EIF3C: variants seen among roughly 807,000 people sequenced by gnomAD.
EIF3C encodes the protein eukaryotic translation initiation factor 3 subunit C, also known as cell migration-inducing protein 17.
In EIF3C, 2 loss-of-function variants were observed where a neutral mutation model predicts 11.1. The ratio of observed to expected loss-of-function variants is 0.18; its 90% CI spans 0.07 to 0.57. The LOEUF is 0.57. EIF3C is among the 20% of genes least tolerant of loss of function. EIF3C has a pLI of 0.92. For missense variants in EIF3C, 16 were observed against 114.6 expected, an observed-to-expected ratio of 0.14 and a Z score of 3.93; for synonymous variants, 2 against 41.5, an observed-to-expected ratio of 0.05 and a Z score of 3.66.
chr16:28,698,168 G>A (rs2048252823), intron 1 of EIF3C, among the ~76,000 whole-genome samples: 2 of 108,826 alleles, frequency 1.8e-5, no homozygotes, highest in Non-Finnish European at 3.9e-5. Flanking sequence ...CGGCTGGCCG[G>A]GCAGAGGGGC....
intron 1 of EIF3C, among the ~76,000 whole-genome samples, chr16:28,698,260 C>A (rs1227269015): frequency 7.8e-4 from 94 of 120,288 alleles, no homozygotes; most frequent in African/African-American, 3.0e-3. Flanking sequence ...GGGGGGCTGA[C>A]CCCCCCATCT....
At position 28,718,634 on chromosome 16, in the gene EIF3C, T is replaced by TC. The variant is rs1473809480; in HGVS notation, c.776+3200_776+3201insC. 5.1e-3 allele frequency among the ~76,000 whole-genome samples: 577 copies of TC among 113,930 alleles called. 1 individual carries two copies. Among genetic ancestry groups the TC allele is most frequent in the Admixed American group, 0.011 (130 of 11,784 alleles). 74.7% of individuals were successfully genotyped at this position (113,930 alleles called of 152,430 possible). The stretch of plus-strand genomic sequence containing the variant: ...TTAAAGTTTTTTTTTTTTTTTTTTT[T>TC]TTTTGAGACAGAGTCTTGCACTGTC... On this transcript the variant is annotated intron_variant, in intron 8 of 20. Transcript: ENST00000331666.
intron 2 of EIF3C, among the ~76,000 whole-genome samples, chr16:28,712,954 C>A (rs1386316432): frequency 6.7e-6 from 1 of 149,166 alleles, no homozygotes; most frequent in Non-Finnish European, 1.5e-5. Context: ...GCCGAGATTG[C>A]GCCATTGCAC....
At chr16:28,729,028 T>C (rs1317201693) in intron 15 of EIF3C, among the ~76,000 whole-genome samples, 1 of 29,826 alleles carries the variant, frequency 3.4e-5, no homozygotes, top group Non-Finnish European at 7.2e-5. Context: ...TATTGAGTTG[T>C]AGGAGTGCCT....
chr16:28,725,764 T>TTG (rs2048377148), intron 13 of EIF3C, among the ~76,000 whole-genome samples: 1 of 9,048 alleles, frequency 1.1e-4, no homozygotes, highest in Non-Finnish European at 2.1e-4. Context: ...AGACTCCATC[T>TTG]CAAAAAAAAA....
At chr16:28,697,861 G>C in intron 1 of EIF3C, among the ~76,000 whole-genome samples, 1 of 93,206 alleles carries the variant, frequency 1.1e-5, no homozygotes, top group East Asian at 4.0e-4. Flanking sequence ...CGGCTGGCCG[G>C]GCGGGGGGCT....
intron 1 of EIF3C, among the ~76,000 whole-genome samples, chr16:28,698,437 C>A (rs1596703749): frequency 1.3e-5 from 1 of 79,546 alleles, no homozygotes; most frequent in Admixed American, 1.0e-4. Context: ...GGGGGCTGAC[C>A]CCCCCACCTC....
At chr16:28,733,086 TC>T (rs1484700428) in intron 16 of EIF3C, among the ~76,000 whole-genome samples, 5 of 31,316 alleles carry the variant, frequency 1.6e-4, no homozygotes, top group Non-Finnish European at 1.3e-4. Flanking sequence ...TTTCTTTCTT[TC>T]TTTTTTTTTT....
intron 15 of EIF3C, among the ~76,000 whole-genome samples, chr16:28,729,531 G>T: frequency 6.5e-5 from 2 of 30,616 alleles, no homozygotes. Flanking sequence ...TTTGATTTTT[G>T]CATCTGCTGA....
intron 15 of EIF3C, among the ~76,000 whole-genome samples, chr16:28,728,453 GTGTGTGTGTATCTTTTAGGGGT>G (rs771110518): frequency 3.9e-4 from 24 of 61,130 alleles, no homozygotes; most frequent in Admixed American, 2.3e-3. Context: ...CTTTTAGGGG[GTGTGTGTGTATCTTTTAGGGGT>G]TGTGTGTGTA....
Position 28,701,507 on chromosome 16 carries a change from G to C in EIF3C, c.-30-10150G>C. ...TGGGATGCCTCTCCTCTTCATCATC[G>C]CTCAGTGTGGCCCCACACGCTGTAG... On this transcript the variant is annotated intron_variant, in intron 1 of 20. Transcript: ENST00000566501. 1.3e-5 allele frequency: 2 copies of C among 153,486 alleles called. 1 individual carries two copies. The highest frequency in any genetic ancestry group is 2.2e-5 in the Non-Finnish European group (2 of 91,240). The allele number at this position is 153,486 out of a possible 1,614,324, so 9.5% of individuals were successfully genotyped here. A position where few individuals can be genotyped will look rare whatever the true frequency, so the allele number is the denominator to read the frequency against.
intron 2 of EIF3C, among the ~76,000 whole-genome samples, chr16:28,712,798 G>C (rs899536899): frequency 6.6e-6 from 1 of 150,486 alleles, no homozygotes; most frequent in African/African-American, 2.4e-5. Context: ...AAGAGTTTGA[G>C]ACCAGCATGG....
intron 1 of EIF3C, among the ~76,000 whole-genome samples, chr16:28,699,845 C>CT (rs1221976706): frequency 3.2e-5 from 3 of 93,294 alleles, no homozygotes; most frequent in South Asian, 6.9e-4. Flanking sequence ...CATCCAGCCT[C>CT]TTTTTTTTTT....
intron 1 of EIF3C, among the ~76,000 whole-genome samples, chr16:28,690,949 C>T (rs2048214611): frequency 5.7e-5 from 1 of 17,480 alleles, no homozygotes; most frequent in Non-Finnish European, 8.8e-5. Flanking sequence ...GCAGAGCTTG[C>T]AGTGAGCTGA....
intron 1 of EIF3C, among the ~76,000 whole-genome samples, chr16:28,699,807 G>A (rs571136227): frequency 0.048 from 4,487 of 94,080 alleles, 422 homozygotes; most frequent in African/African-American, 0.2. Context: ...GCCTCCCAGC[G>A]TGCTGGGATT....
intron 1 of EIF3C, among the ~76,000 whole-genome samples, chr16:28,698,590 C>T (rs2048260370): frequency 1.0e-5 from 1 of 97,002 alleles, no homozygotes; most frequent in Non-Finnish European, 1.8e-5. Context: ...CTCCTCACTT[C>T]CCAGATGGGG....
At position 28,689,095 on chromosome 16, in the gene EIF3C, G is replaced by T. The variant is rs1317352622; in HGVS notation, c.-31+267G>T. Among the ~76,000 whole-genome samples, 3 of 30,242 alleles carry T rather than the reference G, an allele frequency of 9.9e-5. 1 individual carries two copies. The highest frequency in any genetic ancestry group is 1.6e-4 in the Non-Finnish European group (3 of 18,568). 19.8% of individuals were successfully genotyped at this position (30,242 alleles called of 152,430 possible). On this transcript the variant is annotated intron_variant, in intron 1 of 20. Transcript: ENST00000566501. ...CCAGCCAATTTTTATATTTTTAGGA[G>T]AGACGGAGTTTCACTATGTTGGCGA...
Position 28,696,465 on chromosome 16 carries a change from G to T in EIF3C, c.-31+7637G>T, listed in dbSNP as rs1417802137. On this transcript the variant is annotated intron_variant, in intron 1 of 20. Transcript: ENST00000566501. ...CTGTGGACTATGGGAAACTCATTTA[G>T]ATGGTGACTCCAATTGCAGCTGCTG... 4.1e-5 allele frequency among the ~76,000 whole-genome samples: 2 copies of T among 49,254 alleles called. 1 individual carries two copies. Among genetic ancestry groups the T allele is most frequent in the African/African-American group, 3.0e-4 (2 of 6,688 alleles). The allele number at this position is 49,254 out of a possible 152,430, so 32.3% of individuals were successfully genotyped here.
chr16:28,698,252 G>T (rs1279742938), intron 1 of EIF3C, among the ~76,000 whole-genome samples: 1 of 124,854 alleles, frequency 8.0e-6, no homozygotes, highest in Non-Finnish European at 1.7e-5. Context: ...GCCGGGTGGG[G>T]GGGCTGACCC....
Sources: allele counts gnomAD v4.1 joint callset (sites outside exome capture counted in the v4.1 genomes callset), GRCh38; gene constraint gnomAD v4.1.1; transcripts MANE v1.5; gene names NCBI Gene and HGNC (gene_info 2026-07-23, HGNC 2026-07-21).